GALNT13: variants seen among roughly 807,000 people sequenced by gnomAD.
The protein encoded by GALNT13 is UDP-GalNAc:polypeptide N-acetylgalactosaminyltransferase 13.
In GALNT13, 28 loss-of-function variants were observed where a neutral mutation model predicts 64.2. That is an observed-to-expected ratio of 0.44 (90% CI 0.32 to 0.60). The LOEUF (loss-of-function observed/expected upper bound fraction) is 0.60, where lower values mean the gene tolerates loss of function less well. GALNT13 is among the 20% of genes least tolerant of loss of function. The probability of loss-of-function intolerance (pLI) is 0.05; values close to 1 mark genes in which losing one functional copy is unlikely to be tolerated. For missense variants in GALNT13, 577 were observed against 669.8 expected (o/e 0.86, Z 1.53); for synonymous variants, 214 against 224.6 (o/e 0.95, Z 0.42).
the GALNT13 span, among the ~76,000 whole-genome samples, chr2:153,215,949 A>G: frequency 1.3e-5 from 2 of 151,786 alleles, no homozygotes; most frequent in South Asian, 2.1e-4. Flanking sequence ...AGTTCCATCA[A>G]CTCCCCATAT....
the GALNT13 span, among the ~76,000 whole-genome samples, chr2:153,094,918 C>T: frequency 6.6e-6 from 1 of 152,070 alleles, no homozygotes; most frequent in East Asian, 1.9e-4. Context: ...AATTTTAGAC[C>T]TAAAACCATA....
chr2:154,102,551 A>G (rs939411282), intron 3 of GALNT13, among the ~76,000 whole-genome samples: 4 of 152,158 alleles, frequency 2.6e-5, no homozygotes, highest in African/African-American at 9.7e-5. Context: ...GAGGGATAAA[A>G]TGCTACCCAC....
the GALNT13 span, among the ~76,000 whole-genome samples, chr2:153,707,710 G>A: frequency 6.6e-6 from 1 of 152,250 alleles, no homozygotes; most frequent in East Asian, 1.9e-4. Flanking sequence ...TAGAGTCATA[G>A]CCCATCATGT....
the GALNT13 span, among the ~76,000 whole-genome samples, chr2:153,735,687 C>T: frequency 6.6e-6 from 1 of 152,144 alleles, no homozygotes; most frequent in Non-Finnish European, 1.5e-5. Context: ...GAAGGTATTC[C>T]CAGTCCTCAT....
the GALNT13 span, among the ~76,000 whole-genome samples, chr2:153,775,455 C>T: frequency 6.6e-6 from 1 of 152,212 alleles, no homozygotes; most frequent in East Asian, 1.9e-4. Context: ...ATATATTCTA[C>T]TTACTTTTCA....
At chr2:153,554,018 A>G in the GALNT13 span, among the ~76,000 whole-genome samples, 1 of 152,204 alleles carries the variant, frequency 6.6e-6, no homozygotes, top group African/African-American at 2.4e-5. Context: ...ACTGGGATAC[A>G]GGAATAAAGA....
chr2:153,668,678 T>C, the GALNT13 span, among the ~76,000 whole-genome samples: 1 of 151,998 alleles, frequency 6.6e-6, no homozygotes, highest in Non-Finnish European at 1.5e-5. Flanking sequence ...CCCCACCTAC[T>C]CCTGGGGAAG....
chr2:153,078,535 T>C, the GALNT13 span, among the ~76,000 whole-genome samples: 1 of 152,046 alleles, frequency 6.6e-6, no homozygotes, highest in African/African-American at 2.4e-5. Context: ...TCGTCTGAAC[T>C]CCTGACCTCA....
At chr2:153,636,184 C>A in the GALNT13 span, among the ~76,000 whole-genome samples, 7 of 152,218 alleles carry the variant, frequency 4.6e-5, no homozygotes, top group Admixed American at 2.0e-4. Context: ...TAATTCCACA[C>A]ACTCAAAATG....
intron 8 of GALNT13, among the ~76,000 whole-genome samples, chr2:154,263,177 A>T (rs1690796434): frequency 6.6e-6 from 1 of 152,208 alleles, no homozygotes. Context: ...ACAAGTATGG[A>T]CTGGGATTCA....
chr2:154,148,498 C>T (rs996679176), intron 4 of GALNT13, among the ~76,000 whole-genome samples: 1 of 152,080 alleles, frequency 6.6e-6, no homozygotes, highest in African/African-American at 2.4e-5. Flanking sequence ...GAGGAATCAC[C>T]ACACTGACTT....
intron 4 of GALNT13, among the ~76,000 whole-genome samples, chr2:154,191,315 G>C (rs765527008): frequency 6.6e-6 from 1 of 152,090 alleles, no homozygotes; most frequent in Non-Finnish European, 1.5e-5. Flanking sequence ...CTCTTTTCCT[G>C]AGCAGAGTAA....
intron 4 of GALNT13, among the ~76,000 whole-genome samples, chr2:154,237,479 G>C (rs1689253526): frequency 6.8e-6 from 1 of 147,574 alleles, no homozygotes; most frequent in Admixed American, 6.8e-5. Context: ...GTTTTGAATT[G>C]TTTCTGGAAA....
chr2:153,199,489 C>T, the GALNT13 span, among the ~76,000 whole-genome samples: 4 of 152,272 alleles, frequency 2.6e-5, no homozygotes, highest in Non-Finnish European at 5.9e-5. Context: ...CTTTCCTGGG[C>T]TGGTCTTAAG....
the GALNT13 span, among the ~76,000 whole-genome samples, chr2:153,406,955 A>C: frequency 6.6e-6 from 1 of 152,180 alleles, no homozygotes; most frequent in South Asian, 2.1e-4. Context: ...TAATTCAGAT[A>C]TATAAATTGA....
chr2:154,172,716 G>T (rs1685430921), intron 4 of GALNT13, among the ~76,000 whole-genome samples: 1 of 151,662 alleles, frequency 6.6e-6, no homozygotes, highest in East Asian at 1.9e-4. Context: ...CTGTTGATGG[G>T]CACTTACATT....
intron 2 of GALNT13, among the ~76,000 whole-genome samples, chr2:153,908,547 C>G (rs144404312): frequency 0.024 from 3,582 of 152,066 alleles, 62 homozygotes; most frequent in Non-Finnish European, 0.034. Context: ...GTCTTTAATC[C>G]ATCTTGAGTT....
chr2:153,366,436 A>G, the GALNT13 span, among the ~76,000 whole-genome samples: 11 of 152,090 alleles, frequency 7.2e-5, no homozygotes, highest in Admixed American at 1.3e-4. Context: ...TTTTTAAAAA[A>G]GAAAGAAGGA....
At chr2:153,185,147 T>C in the GALNT13 span, among the ~76,000 whole-genome samples, 1 of 152,218 alleles carries the variant, frequency 6.6e-6, no homozygotes, top group Non-Finnish European at 1.5e-5. Flanking sequence ...GAACTCGTTA[T>C]TGGTCTGTTC....
Sources: allele counts gnomAD v4.1 joint callset (sites outside exome capture counted in the v4.1 genomes callset), GRCh38; gene constraint gnomAD v4.1.1; transcripts MANE v1.5; gene names NCBI Gene and HGNC (gene_info 2026-07-23, HGNC 2026-07-21).